TRIR: variants seen among roughly 807,000 people sequenced by gnomAD.
The protein encoded by TRIR is telomerase RNA component-interacting RNase.
A neutral mutation model predicts 18.2 loss-of-function variants in TRIR; 5 were observed. The ratio of observed to expected loss-of-function variants is 0.27; its 90% CI spans 0.14 to 0.58. The LOEUF is 0.58. TRIR is among the 20% of genes least tolerant of loss of function. The pLI is 0.91. For synonymous variants in TRIR, 134 were observed against 114.4 expected, an observed-to-expected ratio of 1.17 and a Z score of -1.10; for missense variants, 206 against 252.8, an observed-to-expected ratio of 0.81 and a Z score of 1.25.
chr19:12,733,406 T>C (rs572454709), intron 1 of TRIR, among the ~76,000 whole-genome samples: 1 of 152,314 alleles, frequency 6.6e-6, no homozygotes, highest in African/African-American at 2.4e-5. Context: ...CCCTATTTAC[T>C]TAATCCAGAG....
intron 1 of TRIR, among the ~76,000 whole-genome samples, chr19:12,733,093 G>C (rs1423775611): frequency 6.6e-6 from 1 of 151,824 alleles, no homozygotes; most frequent in Admixed American, 6.6e-5. Flanking sequence ...TTTTTTTGTA[G>C]AGATGCATTT....
Position 12,734,177 on chromosome 19 carries a change from A to G in TRIR, c.345+136T>C. On this transcript the variant is annotated intron_variant, in intron 1 of 2. Coordinates refer to ENST00000242784, the MANE Select transcript of TRIR (RefSeq NM_024038.4). This position sits in a 1 kb window ranked among gnomAD's most constrained non-coding sequence, Gnocchi z 4.1. The stretch of plus-strand genomic sequence containing the variant: ...CAGTTGTCGGGAATCCAAGTTCCAC[A>G]CCCTCAGCGGGTGACCCGGACGGGC... The G allele has an allele frequency of 1.1e-6, 1 of 919,376 alleles. No homozygotes were observed. Among genetic ancestry groups the G allele is most frequent in the Non-Finnish European group, 1.5e-6 (1 of 662,446 alleles). The allele number at this position is 919,376 out of a possible 1,614,324, so 57.0% of individuals were successfully genotyped here.
Position 12,731,266 on chromosome 19 carries a change from C to T in TRIR, c.423+78G>A. Reference sequence around the variant, plus strand: ...ACTCATAAAAGGCCTGGATACCAGACAGGGAGGGAGAAGGCTGGGCGCAAA... The same window carrying T: ...ACTCATAAAAGGCCTGGATACCAGATAGGGAGGGAGAAGGCTGGGCGCAAA... On this transcript the variant is annotated intron_variant, in intron 2 of 2. Coordinates refer to ENST00000242784, the MANE Select transcript of TRIR (RefSeq NM_024038.4). The surrounding 1 kb of genome is among the most constrained non-coding windows in gnomAD (Gnocchi z 5.1). The T allele has an allele frequency of 7.8e-6, 12 of 1,539,334 alleles. No homozygotes were observed. The highest frequency in any genetic ancestry group is 1.1e-5 in the Non-Finnish European group (12 of 1,115,420).
intron 1 of TRIR, among the ~76,000 whole-genome samples, chr19:12,732,813 C>A (rs908264654): frequency 1.3e-5 from 2 of 152,098 alleles, no homozygotes; most frequent in Admixed American, 1.3e-4. Flanking sequence ...TGGTCTTGAA[C>A]CCCTGACCTC....
Position 12,734,627 on chromosome 19 carries a change from G to A in TRIR, c.31C>T (p.Gln11Ter). MAARGRRAEP[Q>*]GREAPGPAGG... ...GCGGGGCCCGGAGCCTCCCGGCCCTGAGGCTCCGCCCGTCTCCCTCGGGCA... is the reference window on the plus strand; with the variant it reads ...GCGGGGCCCGGAGCCTCCCGGCCCTAAGGCTCCGCCCGTCTCCCTCGGGCA... Residue 11 changes from glutamine (Q) to a stop codon, truncating the protein, a stop_gained, in exon 1 of 3, where the codon CAG (glutamine) becomes TAG (stop). Coordinates refer to ENST00000242784, the MANE Select transcript of TRIR (RefSeq NM_024038.4). LOFTEE classifies it high-confidence loss of function. The surrounding 1 kb of genome is among the most constrained non-coding windows in gnomAD (Gnocchi z 4.1). 1 of 1,514,108 alleles carries A rather than the reference G, an allele frequency of 6.6e-7. No homozygotes were observed. Among genetic ancestry groups the A allele is most frequent in the Non-Finnish European group, 8.8e-7 (1 of 1,138,020 alleles). The allele number at this position is 1,514,108 out of a possible 1,614,324, so 93.8% of individuals were successfully genotyped here. A position where few individuals can be genotyped will look rare whatever the true frequency, so the allele number is the denominator to read the frequency against.
intron 1 of TRIR, among the ~76,000 whole-genome samples, chr19:12,732,596 ATT>A (rs796787244): frequency 9.5e-5 from 13 of 136,622 alleles, no homozygotes; most frequent in Admixed American, 2.2e-4. Context: ...GACTATTTCC[ATT>A]TTTTTTTTTT....
Position 12,731,559 on chromosome 19 carries a change from T to C in TRIR, c.346-138A>G, listed in dbSNP as rs759646492. On this transcript the variant is annotated intron_variant, in intron 1 of 2. Transcript: ENST00000242784. This position sits in a 1 kb window ranked among gnomAD's most constrained non-coding sequence, Gnocchi z 5.1. ...GCCCAGCTCCGCCAGCCGGCCGACC[T>C]GCGCAGCAATCAGAGAGGAGCACAC... is the stretch of plus-strand genomic sequence containing the variant. 1 of 879,922 alleles carries C rather than the reference T, an allele frequency of 1.1e-6. No homozygotes were observed. The highest frequency in any genetic ancestry group is 1.7e-6 in the Non-Finnish European group (1 of 583,472). The allele number at this position is 879,922 out of a possible 1,614,324, so 54.5% of individuals were successfully genotyped here.
chr19:12,732,683 A>G (rs1364146516), intron 1 of TRIR, among the ~76,000 whole-genome samples: 1 of 150,772 alleles, frequency 6.6e-6, no homozygotes, highest in Non-Finnish European at 1.5e-5. Context: ...TCCACCTCCC[A>G]GGTTCAAGTG....
Position 12,731,404 on chromosome 19 carries a change from G to A in TRIR, c.363C>T (p.Gly121=), listed in dbSNP as rs1405276580. ...STLSFVGKRR[G]GNKLALKTGI... ...CCGTCTTGAGGGCTAGTTTGTTCCC[G>A]CCTCTGCGTTTGCCCACCTGGGTGA... is the stretch of plus-strand genomic sequence containing the variant. The change falls in exon 2 of 3, where the codon GGC becomes GGT. Residue 121 remains glycine (G), a synonymous_variant. Coordinates refer to ENST00000242784, the MANE Select transcript of TRIR (RefSeq NM_024038.4). This position sits in a 1 kb window ranked among gnomAD's most constrained non-coding sequence, Gnocchi z 5.1. 2.5e-6 allele frequency: 4 copies of A among 1,613,676 alleles called. No homozygotes were observed. Among genetic ancestry groups the A allele is most frequent in the Admixed American group, 1.7e-5 (1 of 59,986 alleles).
In TRIR at chr19:12,734,427, C is replaced by T; in HGVS notation, c.231G>A (p.Gln77=). ...ELFKRKMEEE[Q]RQRQEEPPPG... is the part of the protein sequence containing the mutation. ...GGGGCGGCTCCTCCTGCCGCTGCCG[C>T]TGCTCCTCCTCCATCTTCCGCTTGA... Residue 77 remains glutamine, a synonymous_variant, in exon 1 of 3, where the codon CAG becomes CAA. Coordinates refer to ENST00000242784, the MANE Select transcript of TRIR (RefSeq NM_024038.4). The surrounding 1 kb of genome is among the most constrained non-coding windows in gnomAD (Gnocchi z 4.1). 1 of 1,525,394 alleles carries T rather than the reference C, an allele frequency of 6.6e-7. No individual in the cohort carries two copies. Among genetic ancestry groups the T allele is most frequent in the Non-Finnish European group, 8.8e-7 (1 of 1,137,094 alleles). 94.5% of individuals were successfully genotyped at this position (1,525,394 alleles called of 1,614,324 possible). A position where few individuals can be genotyped will look rare whatever the true frequency, so the allele number is the denominator to read the frequency against.
Position 12,734,679 on chromosome 19 carries a change from A to C in TRIR, c.-22T>G. 1.3e-6 allele frequency: 2 copies of C among 1,485,730 alleles called. No individual in the cohort carries two copies. The highest frequency in any genetic ancestry group is 1.8e-6 in the Non-Finnish European group (2 of 1,127,148). 92.0% of individuals were successfully genotyped at this position (1,485,730 alleles called of 1,614,324 possible). ...CCATTTTGTCGCCAGGTGCCGCGCA[A>C]AGGACTCCGGGAAGGCCGCTCCGGC... On this transcript the variant is annotated 5_prime_UTR_variant, in exon 1 of 3. Coordinates refer to ENST00000242784, the MANE Select transcript of TRIR (RefSeq NM_024038.4). The surrounding 1 kb of genome is among the most constrained non-coding windows in gnomAD (Gnocchi z 4.1).
Position 12,730,782 on chromosome 19 carries a change from A to T in TRIR, c.*179T>A. Reference sequence around the variant, plus strand: ...GTAAACCACTGTTCTATGAAGTCTCACGAGGCAAGTGCTCAAGGTAAAAAA... The same window carrying T: ...GTAAACCACTGTTCTATGAAGTCTCTCGAGGCAAGTGCTCAAGGTAAAAAA... On this transcript the variant is annotated 3_prime_UTR_variant, in exon 3 of 3. Transcript: ENST00000242784. The T allele has an allele frequency of 1.6e-6, 1 of 619,330 alleles. No individual in the cohort carries two copies. Among genetic ancestry groups the T allele is most frequent in the Non-Finnish European group, 2.9e-6 (1 of 348,158 alleles). The allele number at this position is 619,330 out of a possible 1,614,324, so 38.4% of individuals were successfully genotyped here.
rs1394272285 is a variant in TRIR at position 12,731,414 on chromosome 19, T to G, written c.353A>C (p.Lys118Thr). The change falls in exon 2 of 3, where the codon AAA becomes ACA. Residue 118 changes from lysine (K) to threonine (T), a missense_variant. By Grantham distance (78) the Lys-to-Thr change is moderately conservative. Around this residue, in one of 2 missense-constraint regions of TRIR, gnomAD observed 34 missense variants for 87.8 expected, o/e 0.39. Transcript: ENST00000242784. The surrounding 1 kb of genome is among the most constrained non-coding windows in gnomAD (Gnocchi z 5.1). The stretch of plus-strand genomic sequence containing the variant: ...GGCTAGTTTGTTCCCGCCTCTGCGT[T>G]TGCCCACCTGGGTGAAGGGACAGAA... ...GPGSTLSFVG[K>T]RRGGNKLALK... 1 of 1,613,484 alleles carries G rather than the reference T, an allele frequency of 6.2e-7. No homozygotes were observed. The highest frequency in any genetic ancestry group is 8.5e-7 in the Non-Finnish European group (1 of 1,179,734).
chr19:12,732,369 C>G (rs1019800892), intron 1 of TRIR, among the ~76,000 whole-genome samples: 1 of 152,034 alleles, frequency 6.6e-6, no homozygotes, highest in Non-Finnish European at 1.5e-5. Flanking sequence ...AAAGATGCAA[C>G]GACGACTGCT....
rs747986690 is a variant in TRIR, at chr19:12,731,504, GC to G, written c.346-84del. 19 of 1,440,086 alleles carry G rather than the reference GC, an allele frequency of 1.3e-5. No individual in the cohort carries two copies. The South Asian group carries it at 2.2e-4, about 17-fold the overall frequency. The allele number at this position is 1,440,086 out of a possible 1,614,324, so 89.2% of individuals were successfully genotyped here. A position where few individuals can be genotyped will look rare whatever the true frequency, so the allele number is the denominator to read the frequency against. On this transcript the variant is annotated intron_variant, in intron 1 of 2. Transcript: ENST00000242784. This position sits in a 1 kb window ranked among gnomAD's most constrained non-coding sequence, Gnocchi z 5.1. ...CGCTGAGGCCCACTACACCTTCCTAGCCCGGCCTGGTGGCCCGTCCTGACGC... is the reference window on the plus strand; with the variant it reads ...CGCTGAGGCCCACTACACCTTCCTAGCCGGCCTGGTGGCCCGTCCTGACGC...
At chr19:12,733,916 G>A (rs2073663257) in intron 1 of TRIR, among the ~76,000 whole-genome samples, 1 of 152,206 alleles carries the variant, frequency 6.6e-6, no homozygotes, top group African/African-American at 2.4e-5. Flanking sequence ...ATAAGTAATT[G>A]TCCTTACATA....
In TRIR at chr19:12,734,367, G is replaced by A. The variant is rs749565872; in HGVS notation, c.291C>T (p.Ala97=). The change falls in exon 1 of 3, where the codon GCC becomes GCT. Residue 97 remains alanine (A), a synonymous_variant. Transcript: ENST00000242784. This position sits in a 1 kb window ranked among gnomAD's most constrained non-coding sequence, Gnocchi z 4.1. Reference sequence around the variant, plus strand: ...TCCTCTTCGGATCCCCGGGGCCAGCGGCGGCGGCCGACTGGTCGGGTCGCT... The same window carrying A: ...TCCTCTTCGGATCCCCGGGGCCAGCAGCGGCGGCCGACTGGTCGGGTCGCT... ...GPQRPDQSAA[A]AGPGDPKRKG... is the part of the protein sequence containing the mutation. The A allele has an allele frequency of 1.4e-6, 2 of 1,473,544 alleles. No individual in the cohort carries two copies. The highest frequency in any genetic ancestry group is 1.8e-6 in the Non-Finnish European group (2 of 1,113,538). The allele number at this position is 1,473,544 out of a possible 1,614,324, so 91.3% of individuals were successfully genotyped here.
intron 1 of TRIR, among the ~76,000 whole-genome samples, chr19:12,732,108 G>A (rs1300127099): frequency 2.8e-5 from 3 of 108,194 alleles, no homozygotes. Context: ...TGGGCAACAA[G>A]AAGTAGACTC....
intron 1 of TRIR, among the ~76,000 whole-genome samples, chr19:12,733,428 G>A (rs1006464122): frequency 2.6e-5 from 4 of 152,156 alleles, no homozygotes; most frequent in African/African-American, 9.7e-5. Flanking sequence ...TTCTCAACCT[G>A]GCACTAATAA....
Sources: allele counts gnomAD v4.1 joint callset (sites outside exome capture counted in the v4.1 genomes callset), GRCh38; gene constraint gnomAD v4.1.1; regional missense constraint gnomAD v4.1.1; non-coding constraint Gnocchi (gnomAD v3.1); transcripts MANE v1.5; gene names NCBI Gene and HGNC (gene_info 2026-07-23, HGNC 2026-07-21).